ADAMTS16: variants seen among roughly 807,000 people sequenced by gnomAD.
The protein encoded by ADAMTS16 is A disintegrin and metalloproteinase with thrombospondin motifs 16.
A neutral mutation model predicts 145.8 loss-of-function variants in ADAMTS16; 94 were observed. The ratio of observed to expected loss-of-function variants is 0.64; its 90% CI spans 0.55 to 0.77. The LOEUF is 0.77. Ranked by LOEUF, ADAMTS16 falls within the 30% of genes least tolerant of loss-of-function variation. ADAMTS16 has a pLI of 0.00. For synonymous variants in ADAMTS16, 659 were observed against 604.3 expected, an observed-to-expected ratio of 1.09 and a Z score of -1.33; for missense variants, 1,585 against 1,591.5, an observed-to-expected ratio of 1.00 and a Z score of 0.07.
chr5:5,257,390 T>C (rs1406932719), intron 17 of ADAMTS16, among the ~76,000 whole-genome samples: 2 of 152,114 alleles, frequency 1.3e-5, no homozygotes, highest in East Asian at 3.9e-4. Context: ...ACATGCACTC[T>C]GCCCCCAAGA....
rs1370719141 is a variant in ADAMTS16, at chr5:5,232,440, T to A, written c.1774T>A (p.Trp592Arg). Reference protein sequence around the residue: ...PKPTHGHWSDWSSWSPCSRTC... With the variant: ...PKPTHGHWSDRSSWSPCSRTC... ...GCCCACCCATGGCCACTGGTCGGACTGGTCTTCTTGGTCCCCATGCTCCAG... is the reference window on the plus strand; with the variant it reads ...GCCCACCCATGGCCACTGGTCGGACAGGTCTTCTTGGTCCCCATGCTCCAG... The change falls in exon 12 of 23, where the codon TGG becomes AGG. Residue 592 changes from tryptophan to arginine, a missense_variant. Trp to Arg is a moderately radical substitution (Grantham distance 101). Transcript: ENST00000274181. 3.1e-6 allele frequency: 5 copies of A among 1,613,944 alleles called. No individual in the cohort carries two copies. The highest frequency in any genetic ancestry group is 4.2e-6 in the Non-Finnish European group (5 of 1,180,028).
At chr5:5,164,995 T>C (rs1433918529) in intron 3 of ADAMTS16, among the ~76,000 whole-genome samples, 2 of 152,174 alleles carry the variant, frequency 1.3e-5, no homozygotes, top group African/African-American at 4.8e-5. Context: ...CCCTCACCAC[T>C]TGAAGTGCAC....
At chr5:5,313,359 G>C (rs1740533712) in intron 21 of ADAMTS16, among the ~76,000 whole-genome samples, 1 of 152,168 alleles carries the variant, frequency 6.6e-6, no homozygotes, top group African/African-American at 2.4e-5. Context: ...CCTATTATTT[G>C]GTCTGCAGGA....
In ADAMTS16 at chr5:5,239,056, C is replaced by G. The variant is rs375577612; in HGVS notation, c.2155-95C>G. ...CCCTATGTTGGTGAAATTTTCAACTCTAGTGGGGAGGAGGTTTCTTGCATG... is the reference window on the plus strand; with the variant it reads ...CCCTATGTTGGTGAAATTTTCAACTGTAGTGGGGAGGAGGTTTCTTGCATG... On this transcript the variant is annotated intron_variant, in intron 14 of 22. Coordinates refer to ENST00000274181, the MANE Select transcript of ADAMTS16 (RefSeq NM_139056.4). 4.3e-5 allele frequency: 58 copies of G among 1,336,254 alleles called. No individual in the cohort carries two copies. The African/African-American group carries it at 7.4e-4, about 17-fold the overall frequency. The allele number at this position is 1,336,254 out of a possible 1,614,324, so 82.8% of individuals were successfully genotyped here. A position where few individuals can be genotyped will look rare whatever the true frequency, so the allele number is the denominator to read the frequency against.
At chr5:5,305,157 ACACACATATCCCACAC>A in intron 20 of ADAMTS16, among the ~76,000 whole-genome samples, 1 of 100,564 alleles carries the variant, frequency 9.9e-6, no homozygotes. Flanking sequence ...CACCACACAC[ACACACATATCCCACAC>A]CACACACACA....
chr5:5,265,983 G>C (rs1027938323), intron 18 of ADAMTS16, among the ~76,000 whole-genome samples: 1 of 120,548 alleles, frequency 8.3e-6, no homozygotes, highest in South Asian at 3.2e-4. Flanking sequence ...TAGACTTAAA[G>C]AAGTGTGTGT....
At chr5:5,289,172 G>T (rs942900025) in intron 18 of ADAMTS16, among the ~76,000 whole-genome samples, 2 of 151,476 alleles carry the variant, frequency 1.3e-5, no homozygotes, top group African/African-American at 2.4e-5. Context: ...TCATTGGTTT[G>T]CAGGGAAAAT....
chr5:5,163,848 T>C (rs907649858), intron 3 of ADAMTS16, among the ~76,000 whole-genome samples: 6 of 152,198 alleles, frequency 3.9e-5, no homozygotes, highest in Non-Finnish European at 7.3e-5. Context: ...CACAACACCA[T>C]GCTTTCCTGC....
At chr5:5,190,566 A>G (rs1248238046) in intron 7 of ADAMTS16, among the ~76,000 whole-genome samples, 1 of 151,934 alleles carries the variant, frequency 6.6e-6, no homozygotes, top group African/African-American at 2.4e-5. Context: ...TTAGACATTT[A>G]CGGGGCTGGG....
At position 5,191,549 on chromosome 5, in the gene ADAMTS16, G is replaced by A. The variant is rs927912345; in HGVS notation, c.1208-136G>A. 7.2e-6 allele frequency: 5 copies of A among 692,802 alleles called. No homozygotes were observed. In the Admixed American group the frequency reaches 1.0e-4, roughly 14 times the overall value. 42.9% of individuals were successfully genotyped at this position (692,802 alleles called of 1,614,324 possible). On this transcript the variant is annotated intron_variant, in intron 7 of 22. Transcript: ENST00000274181. The stretch of plus-strand genomic sequence containing the variant: ...CTTATCAAGTCCCCTTTATACGGTT[G>A]TCTAAGTGTTTCCCATTTCATATTT...
At chr5:5,219,283 T>A (rs1292585398) in intron 10 of ADAMTS16, among the ~76,000 whole-genome samples, 1 of 152,214 alleles carries the variant, frequency 6.6e-6, no homozygotes, top group Non-Finnish European at 1.5e-5. Flanking sequence ...CAATAAATTG[T>A]TGTTAACTAT....
At chr5:5,313,282 G>T (rs567086574) in intron 21 of ADAMTS16, among the ~76,000 whole-genome samples, 4 of 152,188 alleles carry the variant, frequency 2.6e-5, no homozygotes, top group Non-Finnish European at 4.4e-5. Flanking sequence ...GGTAATGAAT[G>T]GCCCGGGCCT....
chr5:5,250,128 G>T (rs1012104768), intron 17 of ADAMTS16, among the ~76,000 whole-genome samples: 1 of 152,156 alleles, frequency 6.6e-6, no homozygotes, highest in Non-Finnish European at 1.5e-5. Flanking sequence ...GAGCCAAAAG[G>T]CAACATTCTT....
chr5:5,223,234 G>A (rs1736654871), intron 11 of ADAMTS16: 2 of 227,480 alleles, frequency 8.8e-6, no homozygotes, highest in African/African-American at 2.2e-5. Flanking sequence ...ACAGAACATC[G>A]GTTTGAAGAC....
At chr5:5,191,822 C>A in intron 8 of ADAMTS16, 32 bp downstream of exon 8, 7 of 1,529,086 alleles carry the variant, frequency 4.6e-6, no homozygotes, top group South Asian at 1.2e-5. Context: ...GATGGCATCC[C>A]GAGTTTTTTC....
In ADAMTS16 at chr5:5,140,375, C is replaced by A; in HGVS notation, c.-93C>A. ...GGCGGAGTCGCTGTGGGGAATCCTCCCGCGCTCTGCCTGGGTCGGGTCCTC... is the reference window on the plus strand; with the variant it reads ...GGCGGAGTCGCTGTGGGGAATCCTCACGCGCTCTGCCTGGGTCGGGTCCTC... On this transcript the variant is annotated 5_prime_UTR_variant, in exon 1 of 23. Coordinates refer to ENST00000274181, the MANE Select transcript of ADAMTS16 (RefSeq NM_139056.4). 1 of 1,289,952 alleles carries A rather than the reference C, an allele frequency of 7.8e-7. No individual in the cohort carries two copies. Among genetic ancestry groups the A allele is most frequent in the South Asian group, 1.6e-5 (1 of 64,400 alleles). The allele number at this position is 1,289,952 out of a possible 1,614,324, so 79.9% of individuals were successfully genotyped here. A position where few individuals can be genotyped will look rare whatever the true frequency, so the allele number is the denominator to read the frequency against.
At chr5:5,284,677 C>T (rs1021405947) in intron 18 of ADAMTS16, among the ~76,000 whole-genome samples, 4 of 152,236 alleles carry the variant, frequency 2.6e-5, no homozygotes, top group South Asian at 2.1e-4. Context: ...TGAATTCTCA[C>T]TCTCTTATGT....
intron 9 of ADAMTS16, among the ~76,000 whole-genome samples, chr5:5,206,206 C>G (rs990524575): frequency 7.3e-5 from 11 of 150,828 alleles, no homozygotes; most frequent in Non-Finnish European, 1.5e-4. Context: ...GCGGGCGGAT[C>G]ACGAGGTCAG....
intron 12 of ADAMTS16, among the ~76,000 whole-genome samples, chr5:5,232,991 C>T (rs938029955): frequency 1.3e-5 from 2 of 152,094 alleles, no homozygotes; most frequent in Non-Finnish European, 2.9e-5. Context: ...TTCTTAATTA[C>T]CTCTCTGTGC....
Sources: gnomAD v4.1 joint callset for allele counts (sites outside exome capture counted in the v4.1 genomes callset) on GRCh38, gnomAD v4.1.1 for gene constraint, MANE v1.5 for transcripts, NCBI Gene and HGNC (gene_info 2026-07-23, HGNC 2026-07-21) for gene names.